PLA2G6: variants seen among roughly 807,000 people sequenced by gnomAD.
PLA2G6 encodes phospholipase A2 group VI.
In PLA2G6, 62 loss-of-function variants were observed where a neutral mutation model predicts 83.8. That is an observed-to-expected ratio of 0.74 (90% CI 0.60 to 0.91). The LOEUF (loss-of-function observed/expected upper bound fraction) is 0.91, where lower values mean the gene tolerates loss of function less well. PLA2G6 is among the 40% of genes least tolerant of loss of function. The probability of loss-of-function intolerance (pLI) is 0.00; values close to 1 mark genes in which losing one functional copy is unlikely to be tolerated. For synonymous variants in PLA2G6, 417 were observed against 449.8 expected, an observed-to-expected ratio of 0.93 and a Z score of 0.92; for missense variants, 944 against 1,102.0, an observed-to-expected ratio of 0.86 and a Z score of 2.03.
chr22:38,135,199 G>A (rs1341925212), intron 5 of PLA2G6, 115 bp from the exon 6 acceptor site: 1 of 756,164 alleles, frequency 1.3e-6, no homozygotes, highest in Non-Finnish European at 2.3e-6. Flanking sequence ...TGCAAACAAA[G>A]TTCAGCAAAC....
intron 12 of PLA2G6, among the ~76,000 whole-genome samples, chr22:38,117,474 C>G (rs1238717555): frequency 2.6e-5 from 4 of 151,990 alleles, no homozygotes; most frequent in African/African-American, 4.8e-5. Flanking sequence ...GGATTACAAG[C>G]GTGAGCCACT....
intron 1 of PLA2G6, among the ~76,000 whole-genome samples, chr22:38,178,369 GA>G (rs940458525): frequency 1.3e-5 from 2 of 152,132 alleles, no homozygotes; most frequent in African/African-American, 4.8e-5. Context: ...TCAGGACTTT[GA>G]GACCAGCCTG....
In PLA2G6 at chr22:38,175,184, C is replaced by T. The variant is rs994416472; in HGVS notation, c.-45-5713G>A. ...CTGTAGTGAAAGGGGCCTGCACTTG[C>T]GTCCTCCCTGGAATGCGCTCTCCAG... is the stretch of plus-strand genomic sequence containing the variant. On this transcript the variant is annotated intron_variant, in intron 1 of 16. Transcript: ENST00000332509. 4.6e-5 allele frequency among the ~76,000 whole-genome samples: 7 copies of T among 152,276 alleles called. No individual in the cohort carries two copies. The East Asian group carries it at 7.7e-4, about 17-fold the overall frequency.
intron 2 of PLA2G6, among the ~76,000 whole-genome samples, chr22:38,158,437 C>T (rs1394013880): frequency 6.6e-6 from 1 of 152,214 alleles, no homozygotes; most frequent in East Asian, 1.9e-4. Context: ...TCCCACAGTG[C>T]TGGGATTACA....
intron 1 of PLA2G6, among the ~76,000 whole-genome samples, chr22:38,170,308 G>A (rs548559616): frequency 8.6e-5 from 13 of 151,856 alleles, no homozygotes; most frequent in Admixed American, 2.0e-4. Context: ...ACACTCTATC[G>A]GAGCAAGGGG....
At chr22:38,144,242 G>C (rs926161599) in intron 3 of PLA2G6, 1 of 152,628 alleles carries the variant, frequency 6.6e-6, no homozygotes, top group Non-Finnish European at 1.5e-5. Context: ...TCAGCTTCCA[G>C]AAGAGCAGCC....
Position 38,123,086 on chromosome 22 carries a change from C to A in PLA2G6, c.1591+9G>T. Reference sequence around the variant, plus strand: ...CCCGCCTGGCCCCATCCCCAGGGGCCGCCCTCACTGTGCAGAATGGCCAGG... The same window carrying A: ...CCCGCCTGGCCCCATCCCCAGGGGCAGCCCTCACTGTGCAGAATGGCCAGG... On this transcript the variant is annotated intron_variant, in intron 11 of 16. Coordinates refer to ENST00000332509, the MANE Select transcript of PLA2G6 (RefSeq NM_003560.4). The surrounding 1 kb of genome is among the most constrained non-coding windows in gnomAD (Gnocchi z 4.1). 6.5e-7 allele frequency: 1 copy of A among 1,547,840 alleles called. No individual in the cohort carries two copies. Among genetic ancestry groups the A allele is most frequent in the Non-Finnish European group, 8.7e-7 (1 of 1,146,840 alleles).
At chr22:38,125,615 G>C (rs1042729791) in intron 10 of PLA2G6, 7 of 467,352 alleles carry the variant, frequency 1.5e-5, no homozygotes, top group Admixed American at 2.4e-5. Context: ...AGACCCGGCT[G>C]TGAGTTGCCA....
chr22:38,179,304 T>A (rs1375152089), intron 1 of PLA2G6, among the ~76,000 whole-genome samples: 2 of 152,094 alleles, frequency 1.3e-5, no homozygotes, highest in African/African-American at 4.8e-5. Flanking sequence ...TTTAACAAGA[T>A]CACTCTGGCT....
intron 2 of PLA2G6, chr22:38,148,592 G>T: frequency 1.4e-6 from 1 of 716,664 alleles, no homozygotes; most frequent in Non-Finnish European, 2.6e-6. Context: ...AGCCTCATGG[G>T]GCTCAGGACA....
intron 11 of PLA2G6, among the ~76,000 whole-genome samples, chr22:38,121,263 C>G (rs547536461): frequency 1.6e-4 from 24 of 152,242 alleles, no homozygotes; most frequent in African/African-American, 5.5e-4. Flanking sequence ...GTAGTCCCAG[C>G]TACTCGGGAG....
intron 3 of PLA2G6, chr22:38,143,612 C>A (rs1445717074): frequency 1.3e-5 from 6 of 451,644 alleles, no homozygotes; most frequent in East Asian, 4.7e-5. Flanking sequence ...ATTCACTTAA[C>A]CTTTCTGGGC....
At chr22:38,163,179 C>T (rs1029279410) in intron 2 of PLA2G6, among the ~76,000 whole-genome samples, 1 of 152,210 alleles carries the variant, frequency 6.6e-6, no homozygotes, top group Non-Finnish European at 1.5e-5. Flanking sequence ...AGTTTCAAAG[C>T]CCAGCACAGG....
At chr22:38,139,847 G>C in intron 5 of PLA2G6, 135 bp downstream of exon 5, 1 of 719,804 alleles carries the variant, frequency 1.4e-6, no homozygotes. Flanking sequence ...AATGAGGCTT[G>C]TGAACCCGGG....
Position 38,132,539 on chromosome 22 carries a change from G to A in PLA2G6, c.1077+292C>T, listed in dbSNP as rs1035241221. The A allele has an allele frequency of 1.9e-6, 1 of 534,362 alleles. No individual in the cohort carries two copies. Among genetic ancestry groups the A allele is most frequent in the African/African-American group, 1.9e-5 (1 of 52,632 alleles). 33.1% of individuals were successfully genotyped at this position (534,362 alleles called of 1,614,324 possible). ...AGGTGACATGGCTTGCTCAGGGCCA[G>A]TCTATGGCCAGAGCTGTCATTTTTC... On this transcript the variant is annotated intron_variant, in intron 7 of 16. Transcript: ENST00000332509. This position sits in a 1 kb window ranked among gnomAD's most constrained non-coding sequence, Gnocchi z 5.0.
At chr22:38,112,777 A>T in intron 15 of PLA2G6, 200 bp from the exon 16 acceptor site, 1 of 628,268 alleles carries the variant, frequency 1.6e-6, no homozygotes, top group South Asian at 1.8e-5. Flanking sequence ...GTGCAATCAG[A>T]GGGGCAGAGG....
At chr22:38,152,225 T>A (rs2089593766) in intron 2 of PLA2G6, among the ~76,000 whole-genome samples, 1 of 152,080 alleles carries the variant, frequency 6.6e-6, no homozygotes, top group Non-Finnish European at 1.5e-5. Context: ...TGGCACTTTT[T>A]TTTTCTTTGA....
intron 12 of PLA2G6, 194 bp from the exon 13 acceptor site, chr22:38,116,405 T>C (rs1373738411): frequency 1.8e-5 from 13 of 738,666 alleles, no homozygotes; most frequent in Non-Finnish European, 3.0e-5. Context: ...GTCAGATTGG[T>C]CCAACCTTGG....
chr22:38,155,158 C>G (rs1264189050), intron 2 of PLA2G6, among the ~76,000 whole-genome samples: 1 of 151,214 alleles, frequency 6.6e-6, no homozygotes. Flanking sequence ...ACCCGGGAGG[C>G]AGAGCTTGCA....
Sources: allele counts gnomAD v4.1 joint callset (sites outside exome capture counted in the v4.1 genomes callset), GRCh38; gene constraint gnomAD v4.1.1; non-coding constraint Gnocchi (gnomAD v3.1); transcripts MANE v1.5; gene names NCBI Gene and HGNC (gene_info 2026-07-23, HGNC 2026-07-21).